Variants in LPP observed in about 807,000 individuals in gnomAD.
LPP encodes the protein lipoma-preferred partner.
In LPP, 38 loss-of-function variants were observed where a neutral mutation model predicts 60.4. The ratio of observed to expected loss-of-function variants is 0.63; its 90% CI spans 0.49 to 0.83. LPP has a LOEUF of 0.83. Among genes scored for constraint, LPP ranks in the 40% least tolerant of loss-of-function variants. The pLI is 0.00. For synonymous variants in LPP, 328 were observed against 290.8 expected (o/e 1.13, Z -1.30); for missense variants, 902 against 783.6 (o/e 1.15, Z -1.80).
At chr3:188,670,737 T>C (rs1856797577) in intron 7 of LPP, among the ~76,000 whole-genome samples, 1 of 152,176 alleles carries the variant, frequency 6.6e-6, no homozygotes, top group Admixed American at 6.5e-5. Flanking sequence ...AGATTATACT[T>C]ATTTCTGGAT....
chr3:188,416,713 G>A (rs1786380027), intron 4 of LPP, among the ~76,000 whole-genome samples: 1 of 152,042 alleles, frequency 6.6e-6, no homozygotes, highest in African/African-American at 2.4e-5. Flanking sequence ...GTTGTCCTGG[G>A]TCATTTTATT....
chr3:188,464,147 G>A (rs1187345661), intron 4 of LPP, among the ~76,000 whole-genome samples: 2 of 152,120 alleles, frequency 1.3e-5, no homozygotes, highest in Non-Finnish European at 2.9e-5. Context: ...TGTTTAATAG[G>A]TTTTAAGTTA....
chr3:188,540,056 G>A (rs1314235887), intron 6 of LPP, among the ~76,000 whole-genome samples: 2 of 152,160 alleles, frequency 1.3e-5, no homozygotes, highest in Non-Finnish European at 2.9e-5. Flanking sequence ...TGGTATAGAT[G>A]TTTCATTTGT....
intron 5 of LPP, among the ~76,000 whole-genome samples, chr3:188,520,122 A>C (rs1480225440): frequency 6.6e-6 from 1 of 152,224 alleles, no homozygotes; most frequent in Non-Finnish European, 1.5e-5. Flanking sequence ...GTCAAGTCAT[A>C]ATAAGTCCCA....
intron 2 of LPP, among the ~76,000 whole-genome samples, chr3:188,328,055 C>T (rs1758931829): frequency 6.6e-6 from 1 of 151,938 alleles, no homozygotes; most frequent in African/African-American, 2.4e-5. Flanking sequence ...GAAGAAAATC[C>T]AGTCTCTCAC....
At chr3:188,664,331 C>T (rs1001081477) in intron 7 of LPP, among the ~76,000 whole-genome samples, 1 of 152,184 alleles carries the variant, frequency 6.6e-6, no homozygotes, top group Admixed American at 6.5e-5. Context: ...TTCATTTCGG[C>T]ATGCCGCTAA....
chr3:188,465,789 C>T (rs1231738351), intron 4 of LPP, among the ~76,000 whole-genome samples: 2 of 152,038 alleles, frequency 1.3e-5, no homozygotes, highest in Admixed American at 1.3e-4. Context: ...CTCTTGTTTT[C>T]CATGGTGGGA....
intron 2 of LPP, among the ~76,000 whole-genome samples, chr3:188,318,753 C>CTTTTTTTTTTTTTTTTTTT (rs10708836): frequency 1.9e-4 from 18 of 96,832 alleles, no homozygotes; most frequent in East Asian, 6.0e-4. Context: ...AATTATGATT[C>CTTTTTTTTTTTTTTTTTTT]TTTTTTTTTT....
intron 7 of LPP, among the ~76,000 whole-genome samples, chr3:188,651,270 T>C (rs945408926): frequency 2.0e-5 from 3 of 152,124 alleles, no homozygotes; most frequent in Admixed American, 6.5e-5. Context: ...GAGATGGACA[T>C]AGAAAGCAGC....
At chr3:188,624,412 G>A (rs184744469) in intron 7 of LPP, among the ~76,000 whole-genome samples, 2 of 152,234 alleles carry the variant, frequency 1.3e-5, no homozygotes, top group East Asian at 1.9e-4. Context: ...AAACAAACAC[G>A]GCTTGAGAGA....
rs1770929880 is a variant in LPP, at chr3:188,888,506, T to C, written c.*14027T>C. On this transcript the variant is annotated 3_prime_UTR_variant, in exon 12 of 12. Coordinates refer to ENST00000617246, the MANE Select transcript of LPP (RefSeq NM_001375462.1). ...TAGCCATTTGCCGACTCCGGCCTCT[T>C]TGCGAGACTGACTCAAATCTGTGAT... is the stretch of plus-strand genomic sequence containing the variant. 4.4e-6 allele frequency: 1 copy of C among 227,956 alleles called. No homozygotes were observed. The highest frequency in any genetic ancestry group is 1.8e-4 in the South Asian group (1 of 5,486). 14.1% of individuals were successfully genotyped at this position (227,956 alleles called of 1,614,324 possible). A position where few individuals can be genotyped will look rare whatever the true frequency, so the allele number is the denominator to read the frequency against.
At chr3:188,821,165 T>C (rs866443521) in intron 9 of LPP, among the ~76,000 whole-genome samples, 1 of 151,650 alleles carries the variant, frequency 6.6e-6, no homozygotes, top group Non-Finnish European at 1.5e-5. Flanking sequence ...TGAATGTAAC[T>C]TTTAGTTACA....
At chr3:188,472,988 A>G (rs1802236028) in intron 4 of LPP, among the ~76,000 whole-genome samples, 1 of 152,100 alleles carries the variant, frequency 6.6e-6, no homozygotes, top group Admixed American at 6.6e-5. Flanking sequence ...ATTTGGGGTC[A>G]CAGTGGGCTG....
chr3:188,761,606 A>C (rs990562922), intron 9 of LPP, among the ~76,000 whole-genome samples: 1 of 152,214 alleles, frequency 6.6e-6, no homozygotes, highest in Non-Finnish European at 1.5e-5. Context: ...CGTATGACCT[A>C]TCATTAGTGT....
At chr3:188,487,588 C>T (rs779009419) in intron 5 of LPP, among the ~76,000 whole-genome samples, 15 of 152,144 alleles carry the variant, frequency 9.9e-5, no homozygotes, top group African/African-American at 2.4e-4. Context: ...ATTTTTGAGA[C>T]GCTTCATATG....
chr3:188,686,366 C>T (rs1860723968), intron 7 of LPP, among the ~76,000 whole-genome samples: 2 of 152,104 alleles, frequency 1.3e-5, no homozygotes, highest in African/African-American at 4.8e-5. Flanking sequence ...CTAAGGTAAC[C>T]CACTTCAGTT....
At chr3:188,786,801 A>T (rs1742066511) in intron 9 of LPP, among the ~76,000 whole-genome samples, 1 of 152,198 alleles carries the variant, frequency 6.6e-6, no homozygotes, top group South Asian at 2.1e-4. Context: ...TCTCAAAAGA[A>T]TTATACTGAG....
intron 4 of LPP, among the ~76,000 whole-genome samples, chr3:188,470,407 G>C (rs1322112074): frequency 6.6e-6 from 1 of 151,700 alleles, no homozygotes; most frequent in African/African-American, 2.4e-5. Context: ...TATTGGGCTA[G>C]AATTTATGGG....
At chr3:188,336,329 AG>A (rs1761618378) in intron 2 of LPP, among the ~76,000 whole-genome samples, 3 of 152,084 alleles carry the variant, frequency 2.0e-5, no homozygotes, top group East Asian at 1.9e-4. Flanking sequence ...GGTTGGATGT[AG>A]GCTTCCCACA....
Sources: allele counts gnomAD v4.1 joint callset (sites outside exome capture counted in the v4.1 genomes callset), GRCh38; gene constraint gnomAD v4.1.1; transcripts MANE v1.5; gene names NCBI Gene and HGNC (gene_info 2026-07-23, HGNC 2026-07-21).